Variants in COL4A2 observed in about 807,000 individuals in gnomAD.
The protein encoded by COL4A2 is collagen alpha-2(IV) chain.
In COL4A2, 99 loss-of-function variants were observed where a neutral mutation model predicts 200.2. The ratio of observed to expected loss-of-function variants is 0.49; its 90% CI spans 0.42 to 0.58. The LOEUF (loss-of-function observed/expected upper bound fraction) is 0.58. COL4A2 is among the 20% of genes least tolerant of loss of function. The pLI is 0.00. For missense variants in COL4A2, 1,950 were observed against 2,314.1 expected (o/e 0.84, Z 3.23); for synonymous variants, 897 against 900.6 (o/e 1.00, Z 0.07).
chr13:110,365,889 A>G (rs1877725275), intron 4 of COL4A2, among the ~76,000 whole-genome samples: 1 of 152,218 alleles, frequency 6.6e-6, no homozygotes, highest in Non-Finnish European at 1.5e-5. Context: ...CCAAAGCTCC[A>G]CACTCCATCA....
In COL4A2 at chr13:110,445,246, A is replaced by G. The variant is rs115304810; in HGVS notation, c.958-583A>G. On this transcript the variant is annotated intron_variant, in intron 16 of 47. Coordinates refer to ENST00000360467, the MANE Select transcript of COL4A2 (RefSeq NM_001846.4). ...GAAGATTTTCAAAACCTACCCTGGG[A>G]GAGAGTTTCAACAGTTGGTTCAGGT... Among the ~76,000 whole-genome samples the G allele has an allele frequency of 7.0e-3, 1,069 of 152,314 alleles. 9 individuals are homozygous for G. The highest frequency in any genetic ancestry group is 0.022 in the African/African-American group (916 of 41,564).
At chr13:110,419,880 C>T (rs1003621242) in intron 4 of COL4A2, among the ~76,000 whole-genome samples, 5 of 152,232 alleles carry the variant, frequency 3.3e-5, no homozygotes, top group Non-Finnish European at 7.3e-5. Context: ...CTCTTATGTT[C>T]CTCTGCATGA....
intron 14 of COL4A2, among the ~76,000 whole-genome samples, chr13:110,438,282 T>A (rs532970935): frequency 6.6e-6 from 1 of 152,356 alleles, no homozygotes; most frequent in Admixed American, 6.5e-5. Context: ...GAAGGGAGCA[T>A]GGAGATGGCG....
intron 3 of COL4A2, among the ~76,000 whole-genome samples, chr13:110,347,077 G>A (rs751359275): frequency 3.3e-5 from 5 of 152,240 alleles, no homozygotes; most frequent in Non-Finnish European, 7.3e-5. Context: ...AAGGCACTGA[G>A]TGTGAACTGT....
At chr13:110,331,257 C>T (rs891016959) in intron 3 of COL4A2, among the ~76,000 whole-genome samples, 2 of 152,148 alleles carry the variant, frequency 1.3e-5, no homozygotes, top group African/African-American at 4.8e-5. Context: ...GAGAATCATC[C>T]TAAAAGAGGA....
At chr13:110,435,616 A>G (rs1041713831) in intron 12 of COL4A2, among the ~76,000 whole-genome samples, 1 of 152,192 alleles carries the variant, frequency 6.6e-6, no homozygotes, top group South Asian at 2.1e-4. Context: ...ATACAGTTTA[A>G]TGTGGAAAGA....
intron 4 of COL4A2, among the ~76,000 whole-genome samples, chr13:110,364,187 G>C (rs1427892865): frequency 6.6e-6 from 1 of 152,224 alleles, no homozygotes; most frequent in Non-Finnish European, 1.5e-5. Context: ...GAATTAGTCA[G>C]AAATAGCAAA....
At chr13:110,441,180 G>A (rs9588163) in intron 16 of COL4A2, among the ~76,000 whole-genome samples, 2,532 of 152,214 alleles carry the variant, frequency 0.017, 62 homozygotes, top group African/African-American at 0.055. Context: ...TCACAACTCC[G>A]TTGAATCCTG....
chr13:110,416,914 C>G (rs1200639800), intron 4 of COL4A2, among the ~76,000 whole-genome samples: 3 of 152,200 alleles, frequency 2.0e-5, no homozygotes, highest in Non-Finnish European at 4.4e-5. Context: ...GTATCACCAT[C>G]AGACAGACCA....
intron 21 of COL4A2, chr13:110,457,682 C>T: frequency 1.6e-6 from 1 of 643,586 alleles, no homozygotes; most frequent in Non-Finnish European, 3.0e-6. Flanking sequence ...TCGTCACTGA[C>T]CTTCCTAGCA....
chr13:110,360,242 A>G (rs1400124064), intron 4 of COL4A2, among the ~76,000 whole-genome samples: 1 of 152,232 alleles, frequency 6.6e-6, no homozygotes, highest in East Asian at 1.9e-4. Context: ...GCGACTCTGC[A>G]TTCTTCTCCA....
At chr13:110,319,891 C>T (rs1242987246) in intron 3 of COL4A2, among the ~76,000 whole-genome samples, 6 of 152,180 alleles carry the variant, frequency 3.9e-5, no homozygotes, top group Admixed American at 6.5e-5. Flanking sequence ...TCTTATTGTC[C>T]GGCCTCCTCC....
Position 110,405,755 on chromosome 13 carries a change from G to A in COL4A2, c.181-18979G>A, listed in dbSNP as rs192985127. On this transcript the variant is annotated intron_variant, in intron 4 of 47. Coordinates refer to ENST00000360467, the MANE Select transcript of COL4A2 (RefSeq NM_001846.4). ...TTTTTCCCTTGGTTTTTGGTTTCTG[G>A]GGTTTTCTAAGAGGGGAGAGTGACT... Among the ~76,000 whole-genome samples the A allele has an allele frequency of 1.2e-4, 19 of 152,242 alleles. No homozygotes were observed. In the East Asian group the frequency reaches 3.5e-3, roughly 28 times the overall value.
chr13:110,412,095 C>G (rs1879866103), intron 4 of COL4A2, among the ~76,000 whole-genome samples: 1 of 152,186 alleles, frequency 6.6e-6, no homozygotes, highest in African/African-American at 2.4e-5. Flanking sequence ...ATGGGCTGGG[C>G]CTAACAGGTC....
chr13:110,503,277 A>G lies in COL4A2; in HGVS notation c.4034A>G (p.Glu1345Gly). Residue 1345 changes from glutamate (E) to glycine (G), a missense_variant, in exon 42 of 48, where the codon GAA (glutamate) becomes GGA (glycine). Around this residue, in one of 2 missense-constraint regions of COL4A2, gnomAD observed 1,385 missense variants for 1,720.5 expected, o/e 0.80. Transcript: ENST00000360467. ...CCTGGTGTGTTTGGTCTCCCAGGAG[A>G]AAAAGGTAACAGTGCCCATGGCCAT... ...GRPGVFGLPG[E>G]KGPRGEQGFM... The G allele has an allele frequency of 3.1e-6, 5 of 1,601,618 alleles. No homozygotes were observed. The highest frequency in any genetic ancestry group is 4.3e-6 in the Non-Finnish European group (5 of 1,175,088).
chr13:110,472,722 G>A (rs1305413709), intron 28 of COL4A2, among the ~76,000 whole-genome samples: 1 of 152,104 alleles, frequency 6.6e-6, no homozygotes, highest in African/African-American at 2.4e-5. Context: ...CGAATGGCGG[G>A]GCAAGCAGAA....
At chr13:110,459,023 C>T in intron 22 of COL4A2, 89 bp downstream of exon 22, 2 of 1,301,592 alleles carry the variant, frequency 1.5e-6, no homozygotes, top group Non-Finnish European at 2.1e-6. Context: ...TAAGTTTACA[C>T]AGCTTCAGAC....
At chr13:110,457,020 G>C (rs373030497) in intron 20 of COL4A2, 21,039 of 144,564 alleles carry the variant, frequency 0.15, 3,934 homozygotes, top group Middle Eastern at 0.23. Context: ...CCGTGGGGCT[G>C]ATGCCCTGCG....
At chr13:110,361,261 G>A (rs755190589) in intron 4 of COL4A2, among the ~76,000 whole-genome samples, 24 of 152,236 alleles carry the variant, frequency 1.6e-4, no homozygotes, top group East Asian at 5.8e-4. Flanking sequence ...TGCTCTTGCA[G>A]AAGCATTGCT....
Sources: allele counts gnomAD v4.1 joint callset (sites outside exome capture counted in the v4.1 genomes callset), GRCh38; gene constraint gnomAD v4.1.1; regional missense constraint gnomAD v4.1.1; transcripts MANE v1.5; gene names NCBI Gene and HGNC (gene_info 2026-07-23, HGNC 2026-07-21).